RIPOR3: variants seen among roughly 807,000 people sequenced by gnomAD.
RIPOR3 encodes the protein RIPOR family member 3, also known as family with sequence similarity 65 member C.
A neutral mutation model predicts 114.3 loss-of-function variants in RIPOR3; 95 were observed. That is an observed-to-expected ratio of 0.83 (90% CI 0.70 to 0.99). The LOEUF is 0.99. Ranked by LOEUF, RIPOR3 falls within the 50% of genes least tolerant of loss-of-function variation. RIPOR3 has a pLI of 0.00. For synonymous variants in RIPOR3, 575 were observed against 543.8 expected (o/e 1.06, Z -0.80); for missense variants, 1,252 against 1,266.9 (o/e 0.99, Z 0.18).
chr20:50,678,703 CT>C (rs1202922574), intron 1 of RIPOR3, among the ~76,000 whole-genome samples: 8 of 152,084 alleles, frequency 5.3e-5, no homozygotes, highest in Non-Finnish European at 1.2e-4. Context: ...GTGGGGGAGT[CT>C]TGAATAAATA....
At position 50,654,621 on chromosome 20, in the gene RIPOR3, G is replaced by A. The variant is rs57744361; in HGVS notation, c.4-23765C>T. 1.6e-3 allele frequency among the ~76,000 whole-genome samples: 244 copies of A among 152,118 alleles called. 6 individuals are homozygous for A. The East Asian group carries it at 0.045, about 28-fold the overall frequency. Reference sequence around the variant, plus strand: ...ACTCAGCAAACATCCATGAACGAATGAATGAATCTGTATCTCCAGTGGCTT... The same window carrying A: ...ACTCAGCAAACATCCATGAACGAATAAATGAATCTGTATCTCCAGTGGCTT... On this transcript the variant is annotated intron_variant, in intron 1 of 21. Coordinates refer to ENST00000327979, the MANE Select transcript of RIPOR3 (RefSeq NM_001290268.2).
At chr20:50,613,960 C>T (rs2084066518) in intron 4 of RIPOR3, among the ~76,000 whole-genome samples, 1 of 152,176 alleles carries the variant, frequency 6.6e-6, no homozygotes, top group Non-Finnish European at 1.5e-5. Flanking sequence ...TCCTACCCTG[C>T]CCACCCCGAG....
chr20:50,594,201 G>C (rs899227715), intron 17 of RIPOR3, among the ~76,000 whole-genome samples: 1 of 151,726 alleles, frequency 6.6e-6, no homozygotes, highest in African/African-American at 2.4e-5. Context: ...GCTTGAACCC[G>C]GGAGGTAGAG....
intron 2 of RIPOR3, among the ~76,000 whole-genome samples, chr20:50,628,835 G>T (rs114548728): frequency 6.6e-6 from 1 of 152,100 alleles, no homozygotes; most frequent in Non-Finnish European, 1.5e-5. Flanking sequence ...CTGGGGTCCC[G>T]GCACCACCAC....
chr20:50,685,443 C>A (rs1166699501), intron 1 of RIPOR3, among the ~76,000 whole-genome samples: 1 of 151,140 alleles, frequency 6.6e-6, no homozygotes, highest in Non-Finnish European at 1.5e-5. Flanking sequence ...TCTTGAACTC[C>A]TGACCTCGTG....
chr20:50,678,340 A>G (rs1223574732), intron 1 of RIPOR3, among the ~76,000 whole-genome samples: 1 of 151,884 alleles, frequency 6.6e-6, no homozygotes. Context: ...GTGGCTCCTC[A>G]CTCACCAGAT....
At position 50,596,081 on chromosome 20, in the gene RIPOR3, G is replaced by A. The variant is rs891561427; in HGVS notation, c.1914+59C>T. On this transcript the variant is annotated intron_variant, in intron 15 of 21. Coordinates refer to ENST00000327979, the MANE Select transcript of RIPOR3 (RefSeq NM_001290268.2). ...CCCACCACCTTCAAGATGAGCCTTT[G>A]CAAAGAGGACTCCAAACCCCTGTCT... 1.3e-5 allele frequency: 21 copies of A among 1,607,626 alleles called. No individual in the cohort carries two copies. In the African/African-American group the frequency reaches 1.6e-4, roughly 12 times the overall value.
At chr20:50,617,365 G>A (rs1488600280) in intron 3 of RIPOR3, among the ~76,000 whole-genome samples, 3 of 152,092 alleles carry the variant, frequency 2.0e-5, no homozygotes, top group Admixed American at 6.5e-5. Context: ...TCAAACATGT[G>A]GTCCTTAAAG....
At chr20:50,638,324 G>A (rs917103911) in intron 1 of RIPOR3, among the ~76,000 whole-genome samples, 5 of 152,336 alleles carry the variant, frequency 3.3e-5, no homozygotes, top group South Asian at 2.1e-4. Context: ...CCTCCTGACC[G>A]CAGAATAGTC....
chr20:50,618,270 C>CAAACA (rs2084257347), intron 3 of RIPOR3, among the ~76,000 whole-genome samples: 1 of 67,392 alleles, frequency 1.5e-5, no homozygotes, highest in African/African-American at 7.2e-5. Context: ...GACTCCGTCT[C>CAAACA]AAAAAAAAAA....
rs575683540 is a variant in RIPOR3 at position 50,623,011 on chromosome 20, C to A, written c.123-2879G>T. 2.0e-5 allele frequency among the ~76,000 whole-genome samples: 3 copies of A among 152,226 alleles called. No homozygotes were observed. In the East Asian group the frequency reaches 5.8e-4, roughly 29 times the overall value. On this transcript the variant is annotated intron_variant, in intron 2 of 21. Coordinates refer to ENST00000327979, the MANE Select transcript of RIPOR3 (RefSeq NM_001290268.2). ...AGGCACTGTGGCTCACACCTATAAT[C>A]CCAGCACTTCGGGAGGCCAAGGTGG...
At chr20:50,685,456 C>T (rs2086984122) in intron 1 of RIPOR3, among the ~76,000 whole-genome samples, 1 of 151,058 alleles carries the variant, frequency 6.6e-6, no homozygotes. Context: ...ACCTCGTGAT[C>T]CACGTGCCTC....
intron 1 of RIPOR3, among the ~76,000 whole-genome samples, chr20:50,677,893 C>G (rs938369017): frequency 1.3e-5 from 2 of 151,816 alleles, no homozygotes; most frequent in African/African-American, 2.4e-5. Flanking sequence ...TTGTCTTGAA[C>G]TCCTAACCTC....
Position 50,635,569 on chromosome 20 carries a change from A to T in RIPOR3, c.4-4713T>A, listed in dbSNP as rs952485327. ...TGCGGCAGGCTGAGGTGGGAGGATC[A>T]TTAGAGACCTCCCAGCAAGTCGAGG... is the stretch of plus-strand genomic sequence containing the variant. On this transcript the variant is annotated intron_variant, in intron 1 of 21. Coordinates refer to ENST00000327979, the MANE Select transcript of RIPOR3 (RefSeq NM_001290268.2). Among the ~76,000 whole-genome samples, 3 of 152,072 alleles carry T rather than the reference A, an allele frequency of 2.0e-5. No homozygotes were observed. The East Asian group carries it at 5.8e-4, about 29-fold the overall frequency.
chr20:50,667,664 G>T (rs1437863392), intron 1 of RIPOR3, among the ~76,000 whole-genome samples: 1 of 152,204 alleles, frequency 6.6e-6, no homozygotes. Context: ...AGAGGGGAGG[G>T]CAGGGGCCAT....
At chr20:50,614,215 T>C (rs144734770) in intron 4 of RIPOR3, among the ~76,000 whole-genome samples, 1 of 152,196 alleles carries the variant, frequency 6.6e-6, no homozygotes, top group Non-Finnish European at 1.5e-5. Context: ...TTTGTATTTT[T>C]AGTACAGATG....
intron 11 of RIPOR3, among the ~76,000 whole-genome samples, chr20:50,606,963 C>T (rs937987159): frequency 2.6e-5 from 4 of 152,272 alleles, no homozygotes; most frequent in East Asian, 1.9e-4. Context: ...CTCCTGACCT[C>T]GGGTGATCTG....
intron 1 of RIPOR3, among the ~76,000 whole-genome samples, chr20:50,644,759 C>T (rs2085340117): frequency 7.1e-6 from 1 of 140,902 alleles, no homozygotes; most frequent in African/African-American, 2.7e-5. Flanking sequence ...TGGGCTCAAG[C>T]GATCCTCAAC....
In RIPOR3 at chr20:50,602,043, G is replaced by A; in HGVS notation, c.1659+29C>T. ...AGTCATCATGCCATCAGCAAAGCAG[G>A]GCCACCGCCCGGGGCGGGGTGGCCA... On this transcript the variant is annotated intron_variant, in intron 13 of 21. Coordinates refer to ENST00000327979, the MANE Select transcript of RIPOR3 (RefSeq NM_001290268.2). The surrounding 1 kb of genome is among the most constrained non-coding windows in gnomAD (Gnocchi z 4.3). 2 of 1,455,648 alleles carry A rather than the reference G, an allele frequency of 1.4e-6. No individual in the cohort carries two copies. Among genetic ancestry groups the A allele is most frequent in the Non-Finnish European group, 9.0e-7 (1 of 1,105,566 alleles). The allele number at this position is 1,455,648 out of a possible 1,614,324, so 90.2% of individuals were successfully genotyped here.
Sources: allele counts gnomAD v4.1 joint callset (sites outside exome capture counted in the v4.1 genomes callset), GRCh38; gene constraint gnomAD v4.1.1; non-coding constraint Gnocchi (gnomAD v3.1); transcripts MANE v1.5; gene names NCBI Gene and HGNC (gene_info 2026-07-23, HGNC 2026-07-21).